ANKRD31: variants seen among roughly 807,000 people sequenced by gnomAD.
The protein encoded by ANKRD31 is ankyrin repeat domain 31, also known as ankyrin repeat domain-containing protein 31.
A neutral mutation model predicts 186.0 loss-of-function variants in ANKRD31; 147 were observed. The observed-to-expected ratio is 0.79, with a 90% CI of 0.69 to 0.91. The LOEUF is 0.91. Among genes scored for constraint, ANKRD31 ranks in the 40% least tolerant of loss-of-function variants. The probability of loss-of-function intolerance (pLI) is 0.00; values close to 1 mark genes in which losing one functional copy is unlikely to be tolerated. For synonymous variants in ANKRD31, 673 were observed against 736.4 expected (o/e 0.91, Z 1.39); for missense variants, 1,986 against 2,148.8 (o/e 0.92, Z 1.50).
chr5:75,111,884 C>T (rs1453707596), intron 20 of ANKRD31, among the ~76,000 whole-genome samples: 1 of 152,150 alleles, frequency 6.6e-6, no homozygotes, highest in East Asian at 1.9e-4. Flanking sequence ...ATTTGCTTAC[C>T]TTGTGTCACT....
chr5:75,132,539 G>C (rs1561455666), intron 17 of ANKRD31, among the ~76,000 whole-genome samples: 1 of 152,154 alleles, frequency 6.6e-6, no homozygotes, highest in South Asian at 2.1e-4. Flanking sequence ...ATATACATCT[G>C]ATCGGTGTAC....
At chr5:75,100,172 T>C (rs1746717083) in intron 22 of ANKRD31, among the ~76,000 whole-genome samples, 2 of 152,176 alleles carry the variant, frequency 1.3e-5, no homozygotes, top group Admixed American at 6.6e-5. Context: ...GCCTTCATTT[T>C]GTTATGTACC....
At chr5:75,236,557 G>A (rs753779456) in intron 1 of ANKRD31, 26 bp downstream of exon 1, 1 of 1,533,230 alleles carries the variant, frequency 6.5e-7, no homozygotes. Context: ...CGAGGGTTCA[G>A]GCACTGTGGC....
chr5:75,072,975 ATTG>A lies in ANKRD31; in HGVS notation c.5648-4314_5648-4312del, dbSNP rs563100368. Among the ~76,000 whole-genome samples, 15 of 152,270 alleles carry A rather than the reference ATTG, an allele frequency of 9.9e-5. No homozygotes were observed. In the South Asian group the frequency reaches 3.1e-3, roughly 32 times the overall value. On this transcript the variant is annotated intron_variant, in intron 25 of 25. Coordinates refer to ENST00000506364, the MANE Select transcript of ANKRD31 (RefSeq NM_001372053.1). ...CATCTTTATAACTACGATAATTCCT[ATTG>A]TTCCACAGTGATTGTTTTAGGAACT...
intron 15 of ANKRD31, among the ~76,000 whole-genome samples, chr5:75,139,538 T>C (rs554782878): frequency 6.6e-6 from 1 of 152,286 alleles, no homozygotes; most frequent in South Asian, 2.1e-4. Context: ...CTGATCATGT[T>C]TTCCCCCTAT....
chr5:75,101,201 T>A (rs1210291148), intron 22 of ANKRD31, among the ~76,000 whole-genome samples: 2 of 152,232 alleles, frequency 1.3e-5, no homozygotes, highest in East Asian at 1.9e-4. Flanking sequence ...TTTCGCTGGA[T>A]ATGAAATTCT....
At chr5:75,115,587 A>T (rs2150077501) in intron 19 of ANKRD31, among the ~76,000 whole-genome samples, 1 of 151,918 alleles carries the variant, frequency 6.6e-6, no homozygotes, top group African/African-American at 2.4e-5. Context: ...CCCCATCAAA[A>T]AGTGGGCAAA....
At chr5:75,194,636 T>C (rs1206642397) in intron 7 of ANKRD31, among the ~76,000 whole-genome samples, 1 of 152,110 alleles carries the variant, frequency 6.6e-6, no homozygotes, top group Non-Finnish European at 1.5e-5. Flanking sequence ...CATTAGTGAA[T>C]TGATTAAATA....
At chr5:75,085,802 A>C (rs1019147676) in intron 23 of ANKRD31, among the ~76,000 whole-genome samples, 1 of 152,230 alleles carries the variant, frequency 6.6e-6, no homozygotes, top group African/African-American at 2.4e-5. Context: ...ATGAGGATTA[A>C]AAGAGATAAT....
At chr5:75,154,584 G>A (rs992136562) in intron 11 of ANKRD31, among the ~76,000 whole-genome samples, 2 of 151,916 alleles carry the variant, frequency 1.3e-5, no homozygotes, top group African/African-American at 2.4e-5. Context: ...GGGAGAAAGA[G>A]AAAAAGAAAG....
In ANKRD31 at chr5:75,219,463, G is replaced by A. The variant is rs138744299; in HGVS notation, c.288+2786C>T. ...AGTAGGAATCCAGCTAACTAGGGAG[G>A]TGAAAGATCTCTACAATGATAATTA... On this transcript the variant is annotated intron_variant, in intron 3 of 25. Coordinates refer to ENST00000506364, the MANE Select transcript of ANKRD31 (RefSeq NM_001372053.1). Among the ~76,000 whole-genome samples the A allele has an allele frequency of 4.3e-3, 649 of 152,202 alleles. 1 individual carries two copies. Among genetic ancestry groups the A allele is most frequent in the South Asian group, 9.5e-3 (46 of 4,820 alleles).
chr5:75,147,529 A>G, intron 13 of ANKRD31, 24 bp from the exon 14 acceptor site: 1 of 1,371,380 alleles, frequency 7.3e-7, no homozygotes, highest in Non-Finnish European at 9.6e-7. Flanking sequence ...ATACATAGTT[A>G]GCTTTAATTT....
At position 75,210,330 on chromosome 5, in the gene ANKRD31, C is replaced by T. The variant is rs116577033; in HGVS notation, c.326+498G>A. ...CTGAGATTACAGACGCCCACCAACA[C>T]GCCCGGCTAATTTTGTATTTTTTAT... On this transcript the variant is annotated intron_variant, in intron 4 of 25. Transcript: ENST00000506364. Among the ~76,000 whole-genome samples, 1,313 of 152,190 alleles carry T rather than the reference C, an allele frequency of 8.6e-3. 33 individuals are homozygous for T. The highest frequency in any genetic ancestry group is 0.029 in the African/African-American group (1,218 of 41,528).
rs558920750 is a variant in ANKRD31 at position 75,219,954 on chromosome 5, T to G, written c.288+2295A>C. On this transcript the variant is annotated intron_variant, in intron 3 of 25. Coordinates refer to ENST00000506364, the MANE Select transcript of ANKRD31 (RefSeq NM_001372053.1). ...CTAGCTATATACAGAAGGTTGAAAC[T>G]GGACCCCTTTCTTATACCGTATATA... 4.6e-5 allele frequency among the ~76,000 whole-genome samples: 7 copies of G among 152,348 alleles called. No homozygotes were observed. In the East Asian group the frequency reaches 1.2e-3, roughly 25 times the overall value.
chr5:75,158,852 T>A (rs1396995082), intron 11 of ANKRD31, among the ~76,000 whole-genome samples: 2 of 151,850 alleles, frequency 1.3e-5, no homozygotes, highest in Non-Finnish European at 2.9e-5. Flanking sequence ...CACTAAAGTA[T>A]GACCCATACA....
intron 17 of ANKRD31, 111 bp downstream of exon 17, chr5:75,137,745 A>G: frequency 2.8e-6 from 3 of 1,082,432 alleles, no homozygotes; most frequent in Non-Finnish European, 3.6e-6. Context: ...AGGTTTTAAA[A>G]AAATCACTTG....
intron 6 of ANKRD31, among the ~76,000 whole-genome samples, chr5:75,198,333 T>C (rs1755606873): frequency 6.6e-6 from 1 of 152,188 alleles, no homozygotes; most frequent in Non-Finnish European, 1.5e-5. Flanking sequence ...CTGGCTTCTA[T>C]GCACATCAGG....
At chr5:75,204,145 A>G (rs1396066516) in intron 5 of ANKRD31, among the ~76,000 whole-genome samples, 1 of 152,228 alleles carries the variant, frequency 6.6e-6, no homozygotes, top group East Asian at 1.9e-4. Context: ...TAAACTAAAA[A>G]TTTGAAATAA....
chr5:75,210,004 CTAATGTGTTAGTAT>C (rs1756509055), intron 4 of ANKRD31, among the ~76,000 whole-genome samples: 2 of 152,168 alleles, frequency 1.3e-5, no homozygotes, highest in Admixed American at 1.3e-4. Flanking sequence ...AAATAGGCAA[CTAATGTGTTAGTAT>C]TATTATGAAA....
Sources: gnomAD v4.1 joint callset for allele counts (sites outside exome capture counted in the v4.1 genomes callset) on GRCh38, gnomAD v4.1.1 for gene constraint, MANE v1.5 for transcripts, NCBI Gene and HGNC (gene_info 2026-07-23, HGNC 2026-07-21) for gene names.